The following RAD51AP1 variants were observed in gnomAD, a reference collection of about 807,000 sequenced individuals.
The protein encoded by RAD51AP1 is RAD51 associated protein 1, also known as RAD51-associated protein 1.
In RAD51AP1, 14 loss-of-function variants were observed where a neutral mutation model predicts 34.3. The observed-to-expected ratio is 0.41, with a 90% confidence interval of 0.27 to 0.64. The LOEUF (loss-of-function observed/expected upper bound fraction) is 0.64. Among genes scored for constraint, RAD51AP1 ranks in the 30% least tolerant of loss-of-function variants. The pLI, the probability that RAD51AP1 is intolerant of heterozygous loss-of-function variation, is 0.33. For missense variants in RAD51AP1, 348 were observed against 386.9 expected (o/e 0.90, Z 0.84); for synonymous variants, 114 against 129.8 (o/e 0.88, Z 0.83).
At chr12:4,541,477 G>A (rs893942087) in intron 1 of RAD51AP1, among the ~76,000 whole-genome samples, 34 of 151,970 alleles carry the variant, frequency 2.2e-4, no homozygotes, top group African/African-American at 7.0e-4. Flanking sequence ...CACGTACAAC[G>A]GGAACTTACA....
At chr12:4,555,303 A>C (rs1944574260) in intron 7 of RAD51AP1, among the ~76,000 whole-genome samples, 1 of 152,100 alleles carries the variant, frequency 6.6e-6, no homozygotes, top group African/African-American at 2.4e-5. Flanking sequence ...TTATTTCTTC[A>C]TCTCCATTGC....
In RAD51AP1 at chr12:4,559,019, T is replaced by C; in HGVS notation, c.*26T>C. ...GTGTGGTACAGGAGGAATGTTTGGT[T>C]GGGAGAATCACAGCTTTACAAGGGT... is the stretch of plus-strand genomic sequence containing the variant. On this transcript the variant is annotated 3_prime_UTR_variant, in exon 9 of 9. Coordinates refer to ENST00000352618, the MANE Select transcript of RAD51AP1 (RefSeq NM_006479.5). 6.2e-7 allele frequency: 1 copy of C among 1,610,820 alleles called. No homozygotes were observed. Among genetic ancestry groups the C allele is most frequent in the Non-Finnish European group, 8.5e-7 (1 of 1,177,890 alleles).
chr12:4,543,717 G>A, intron 2 of RAD51AP1, 46 bp from the exon 3 acceptor site: 1 of 1,353,976 alleles, frequency 7.4e-7, no homozygotes, highest in Non-Finnish European at 1.0e-6. Flanking sequence ...TTTCATTTAT[G>A]AAGAAAATAA....
At chr12:4,543,252 G>A (rs1944481936) in intron 2 of RAD51AP1, among the ~76,000 whole-genome samples, 1 of 152,086 alleles carries the variant, frequency 6.6e-6, no homozygotes. Flanking sequence ...GTAGAGACAG[G>A]GTTTCACCAC....
At chr12:4,546,515 T>C in intron 4 of RAD51AP1, 97 bp downstream of exon 4, 1 of 778,480 alleles carries the variant, frequency 1.3e-6, no homozygotes, top group South Asian at 1.8e-5. Context: ...AGGTAAAATG[T>C]GAATACTTTG....
At chr12:4,550,735 G>A (rs1218856906) in intron 6 of RAD51AP1, among the ~76,000 whole-genome samples, 3 of 152,248 alleles carry the variant, frequency 2.0e-5, no homozygotes, top group African/African-American at 7.2e-5. Flanking sequence ...CGCCTCACAG[G>A]TTCAAGCAAT....
At chr12:4,548,243 T>G (rs931529595) in intron 5 of RAD51AP1, 65 bp downstream of exon 5, 10 of 1,566,390 alleles carry the variant, frequency 6.4e-6, no homozygotes, top group Non-Finnish European at 8.6e-6. Flanking sequence ...TTGTTTAAAT[T>G]GCTGAAATTG....
rs1000163898 is a variant in RAD51AP1, at chr12:4,542,534, T to C, written c.67+601T>C. ...CCTTGAGCACAGCCTTAACTGTATCTACCACTTGGGAAAAAGAGTGTAGAG... is the reference window on the plus strand; with the variant it reads ...CCTTGAGCACAGCCTTAACTGTATCCACCACTTGGGAAAAAGAGTGTAGAG... On this transcript the variant is annotated intron_variant, in intron 2 of 8. Transcript: ENST00000352618. Among the ~76,000 whole-genome samples the C allele has an allele frequency of 2.6e-5, 4 of 152,056 alleles. 1 individual carries two copies. The highest frequency in any genetic ancestry group is 4.4e-5 in the Non-Finnish European group (3 of 68,004).
chr12:4,546,444 C>CT, intron 4 of RAD51AP1, 26 bp downstream of exon 4: 2 of 1,486,676 alleles, frequency 1.3e-6, no homozygotes, highest in Non-Finnish European at 9.3e-7. Context: ...GTATATTTAG[C>CT]TTTAAAACCT....
At chr12:4,543,687 TGA>T in intron 2 of RAD51AP1, 74 bp from the exon 3 acceptor site, 1 of 1,074,310 alleles carries the variant, frequency 9.3e-7, no homozygotes, top group Non-Finnish European at 1.3e-6. Context: ...TATAAAAACT[TGA>T]ACACACATGG....
Position 4,548,573 on chromosome 12 carries a change from G to A in RAD51AP1, c.407-114G>A, listed in dbSNP as rs919992958. The A allele has an allele frequency of 3.2e-6, 4 of 1,242,690 alleles. No individual in the cohort carries two copies. The African/African-American group carries it at 6.1e-5, about 19-fold the overall frequency. 77.0% of individuals were successfully genotyped at this position (1,242,690 alleles called of 1,614,324 possible). On this transcript the variant is annotated intron_variant, in intron 5 of 8. Coordinates refer to ENST00000352618, the MANE Select transcript of RAD51AP1 (RefSeq NM_006479.5). Reference sequence around the variant, plus strand: ...TAATAGTCTATTACTGGAAGCATGGGAGGGATGAACCTGGGCAAATAAAAA... The same window carrying A: ...TAATAGTCTATTACTGGAAGCATGGAAGGGATGAACCTGGGCAAATAAAAA...
At chr12:4,554,141 G>T (rs1458847477) in intron 7 of RAD51AP1, among the ~76,000 whole-genome samples, 2 of 152,126 alleles carry the variant, frequency 1.3e-5, no homozygotes, top group Non-Finnish European at 2.9e-5. Context: ...CAAGTAGTCA[G>T]CAAAACTGTG....
intron 3 of RAD51AP1, chr12:4,545,173 A>T (rs1471255896): frequency 6.7e-6 from 3 of 446,364 alleles, no homozygotes; most frequent in African/African-American, 4.0e-5. Flanking sequence ...TCTGCTAATG[A>T]ATGGATAAGT....
chr12:4,558,167 T>A lies in RAD51AP1; in HGVS notation c.872-690T>A, dbSNP rs529839960. ...GAACTATTAATACAACAAGAAAATA[T>A]GAAGAGTTTCAGTCTCACTGGTAAT... On this transcript the variant is annotated intron_variant, in intron 8 of 8. Coordinates refer to ENST00000352618, the MANE Select transcript of RAD51AP1 (RefSeq NM_006479.5). Among the ~76,000 whole-genome samples the A allele has an allele frequency of 3.3e-5, 5 of 151,718 alleles. No individual in the cohort carries two copies. The South Asian group carries it at 1.0e-3, about 32-fold the overall frequency.
chr12:4,542,629 G>A (rs1049624374), intron 2 of RAD51AP1, among the ~76,000 whole-genome samples: 2 of 151,136 alleles, frequency 1.3e-5, no homozygotes, highest in African/African-American at 4.9e-5. Flanking sequence ...TGCCAGGTGT[G>A]TAGTAGTAGG....
chr12:4,547,578 T>C (rs1365927136), intron 4 of RAD51AP1, among the ~76,000 whole-genome samples: 1 of 152,242 alleles, frequency 6.6e-6, no homozygotes. Flanking sequence ...CCTTATAGCA[T>C]TGGAATTTAA....
chr12:4,545,655 C>T (rs1944500618), intron 3 of RAD51AP1: 2 of 860,182 alleles, frequency 2.3e-6, no homozygotes, highest in Non-Finnish European at 3.5e-6. Context: ...CCTTATCTGT[C>T]TTTGACGTTT....
At chr12:4,539,959 G>C (rs1457032921) in intron 1 of RAD51AP1, among the ~76,000 whole-genome samples, 1 of 152,132 alleles carries the variant, frequency 6.6e-6, no homozygotes, top group Non-Finnish European at 1.5e-5. Flanking sequence ...TGATGGATAG[G>C]GTGACCAGAA....
At chr12:4,539,048 C>A in intron 1 of RAD51AP1, 92 bp downstream of exon 1, 1 of 1,437,566 alleles carries the variant, frequency 7.0e-7, no homozygotes, top group Non-Finnish European at 9.8e-7. Context: ...GACCGGAGGG[C>A]AGCGATGGTG....
Sources: gnomAD v4.1 joint callset for allele counts (sites outside exome capture counted in the v4.1 genomes callset) on GRCh38, gnomAD v4.1.1 for gene constraint, MANE v1.5 for transcripts, NCBI Gene and HGNC (gene_info 2026-07-23, HGNC 2026-07-21) for gene names.